RELT: variants seen among roughly 807,000 people sequenced by gnomAD.
The protein encoded by RELT is RELT TNF receptor, also known as tumor necrosis factor receptor superfamily member 19L.
Under a neutral mutation model 51.1 loss-of-function variants are expected in RELT, and 37 were observed. The observed-to-expected ratio is 0.72, with a 90% CI of 0.56 to 0.95. The LOEUF (loss-of-function observed/expected upper bound fraction) is 0.95. Ranked by LOEUF, RELT falls within the 40% of genes least tolerant of loss-of-function variation. The probability of loss-of-function intolerance (pLI) is 0.00; values close to 1 mark genes in which losing one functional copy is unlikely to be tolerated. For missense variants in RELT, 535 were observed against 572.6 expected (o/e 0.93, Z 0.67); for synonymous variants, 241 against 235.7 (o/e 1.02, Z -0.21).
rs1160549406 is a variant in RELT, at chr11:73,395,603, C to A, written c.*112C>A. 6.6e-6 allele frequency: 5 copies of A among 755,276 alleles called. No homozygotes were observed. The African/African-American group carries it at 6.8e-5, about 10-fold the overall frequency. 46.8% of individuals were successfully genotyped at this position (755,276 alleles called of 1,614,324 possible). On this transcript the variant is annotated 3_prime_UTR_variant, in exon 11 of 11. Transcript: ENST00000064780. ...TGAGGACCGAGAAGCAATGGCCCAG[C>A]AGACGAGACAGCAAAGACCAAGGCC...
Sources: gnomAD v4.1 joint callset for allele counts on GRCh38, gnomAD v4.1.1 for gene constraint, MANE v1.5 for transcripts, NCBI Gene and HGNC (gene_info 2026-07-23, HGNC 2026-07-21) for gene names.